Variants in DNM3 observed in about 807,000 individuals in gnomAD.
DNM3 encodes dynamin-3.
Under a neutral mutation model 101.6 loss-of-function variants are expected in DNM3, and 47 were observed. That is an observed-to-expected ratio of 0.46 (90% CI 0.37 to 0.59). The LOEUF is 0.59. DNM3 is among the 20% of genes least tolerant of loss of function. The pLI, the probability that DNM3 is intolerant of heterozygous loss-of-function variation, is 0.00. For synonymous variants in DNM3, 385 were observed against 387.9 expected, an observed-to-expected ratio of 0.99 and a Z score of 0.09; for missense variants, 849 against 1,085.7, an observed-to-expected ratio of 0.78 and a Z score of 3.06.
chr1:171,940,439 C>T (rs2041736612), intron 2 of DNM3, among the ~76,000 whole-genome samples: 1 of 152,122 alleles, frequency 6.6e-6, no homozygotes, highest in South Asian at 2.1e-4. Flanking sequence ...TCCTGTTACT[C>T]TCATCTTGGC....
intron 17 of DNM3, among the ~76,000 whole-genome samples, chr1:172,330,865 ATTAACT>A (rs2148932764): frequency 6.6e-6 from 1 of 152,324 alleles, no homozygotes; most frequent in East Asian, 1.9e-4. Context: ...ACATGTGGAA[ATTAACT>A]TTAAAGTGGA....
At position 172,390,862 on chromosome 1, in the gene DNM3, G is replaced by C. The variant is rs187010213; in HGVS notation, c.2522+2053G>C. On this transcript the variant is annotated intron_variant, in intron 20 of 20. Coordinates refer to ENST00000627582, the MANE Select transcript of DNM3 (RefSeq NM_015569.5). ...TGTCTAGCTGTGAGAAAAAACCAGA[G>C]CAAACTGGTGGTGCCTGTCCTGGGG... Among the ~76,000 whole-genome samples the C allele has an allele frequency of 3.0e-4, 46 of 152,320 alleles. No homozygotes were observed. In the East Asian group the frequency reaches 8.9e-3, roughly 29 times the overall value.
At chr1:172,066,383 G>C (rs1030847070) in intron 10 of DNM3, among the ~76,000 whole-genome samples, 2 of 152,192 alleles carry the variant, frequency 1.3e-5, no homozygotes, top group African/African-American at 4.8e-5. Context: ...TCTGCCTCTG[G>C]TAAGGGCCTT....
At chr1:171,951,133 G>T (rs1191706815) in intron 2 of DNM3, among the ~76,000 whole-genome samples, 2 of 152,068 alleles carry the variant, frequency 1.3e-5, no homozygotes, top group Non-Finnish European at 2.9e-5. Flanking sequence ...AACTCTATTT[G>T]CCTCATATTT....
At chr1:172,067,114 A>T (rs1008078582) in intron 10 of DNM3, among the ~76,000 whole-genome samples, 1 of 152,122 alleles carries the variant, frequency 6.6e-6, no homozygotes, top group Admixed American at 6.6e-5. Context: ...TAAGTCTTAT[A>T]AAAAAATAGC....
intron 1 of DNM3, among the ~76,000 whole-genome samples, chr1:171,900,951 A>AC (rs200954749): frequency 0.12 from 17,440 of 150,818 alleles, 1,189 homozygotes; most frequent in South Asian, 0.24. Flanking sequence ...TACTAAAAAA[A>AC]AAATAGAAAA....
rs189171324 is a variant in DNM3 at position 172,077,809 on chromosome 1, A to G, written c.1423-4023A>G. ...GGGGTGGAGAGTTCTGTAGATGTCT[A>G]TTAGGTCTGCTTGGTGCAGAGCTGA... On this transcript the variant is annotated intron_variant, in intron 11 of 20. Transcript: ENST00000627582. Among the ~76,000 whole-genome samples, 23 of 152,268 alleles carry G rather than the reference A, an allele frequency of 1.5e-4. 1 individual carries two copies. The highest frequency in any genetic ancestry group is 6.8e-3 in the Middle Eastern group (2 of 294).
At chr1:172,189,651 C>A (rs888699466) in intron 14 of DNM3, among the ~76,000 whole-genome samples, 3 of 151,838 alleles carry the variant, frequency 2.0e-5, no homozygotes, top group Admixed American at 1.3e-4. Flanking sequence ...ATTTTTGTGT[C>A]ACTATAAAGA....
At chr1:172,161,254 A>G (rs2058535736) in intron 14 of DNM3, among the ~76,000 whole-genome samples, 1 of 151,094 alleles carries the variant, frequency 6.6e-6, no homozygotes, top group Non-Finnish European at 1.5e-5. Context: ...CTTGCCATTC[A>G]GTGAAACAGT....
intron 14 of DNM3, among the ~76,000 whole-genome samples, chr1:172,183,604 A>T (rs575247076): frequency 1.1e-4 from 16 of 151,470 alleles, no homozygotes; most frequent in Non-Finnish European, 2.2e-4. Context: ...ACTTTTTTAA[A>T]TTTTTTTATT....
intron 13 of DNM3, among the ~76,000 whole-genome samples, chr1:172,107,716 C>T (rs2055163985): frequency 6.6e-6 from 1 of 152,242 alleles, no homozygotes; most frequent in Non-Finnish European, 1.5e-5. Flanking sequence ...TATATATTTC[C>T]AATAGTGCTC....
At chr1:172,178,464 GA>G (rs1428381474) in intron 14 of DNM3, among the ~76,000 whole-genome samples, 1 of 151,880 alleles carries the variant, frequency 6.6e-6, no homozygotes, top group Non-Finnish European at 1.5e-5. Flanking sequence ...TTACATATAT[GA>G]AGTGAAGATG....
intron 15 of DNM3, among the ~76,000 whole-genome samples, chr1:172,269,730 G>T (rs547672975): frequency 9.2e-5 from 14 of 152,296 alleles, no homozygotes; most frequent in African/African-American, 3.1e-4. Context: ...AAAGTGAGTT[G>T]TGTGCTGCAG....
At chr1:172,326,912 A>C (rs77646347) in intron 17 of DNM3, among the ~76,000 whole-genome samples, 136 of 152,250 alleles carry the variant, frequency 8.9e-4, no homozygotes, top group African/African-American at 3.1e-3. Context: ...GCTTTTAAAA[A>C]AGAAATTTAT....
At chr1:172,370,947 T>C (rs1175296458) in intron 17 of DNM3, among the ~76,000 whole-genome samples, 2 of 152,006 alleles carry the variant, frequency 1.3e-5, no homozygotes, top group African/African-American at 2.4e-5. Flanking sequence ...AATCTATATA[T>C]CTTTCTTTAC....
chr1:172,169,452 T>TA (rs1281934872), intron 14 of DNM3, among the ~76,000 whole-genome samples: 1 of 151,966 alleles, frequency 6.6e-6, no homozygotes, highest in Non-Finnish European at 1.5e-5. Flanking sequence ...CATTTAGTCT[T>TA]AGGGAAAACA....
At chr1:171,943,292 C>T (rs185294467) in intron 2 of DNM3, among the ~76,000 whole-genome samples, 2 of 152,058 alleles carry the variant, frequency 1.3e-5, no homozygotes, top group Non-Finnish European at 2.9e-5. Context: ...TTTGAATAGA[C>T]CCCTCTTCTT....
At chr1:172,355,486 T>C (rs1291680205) in intron 17 of DNM3, among the ~76,000 whole-genome samples, 1 of 152,088 alleles carries the variant, frequency 6.6e-6, no homozygotes, top group Admixed American at 6.6e-5. Flanking sequence ...CTACATAAAA[T>C]AGGTTCTACA....
chr1:172,177,969 G>A (rs115535172), intron 14 of DNM3, among the ~76,000 whole-genome samples: 189 of 151,870 alleles, frequency 1.2e-3, no homozygotes, highest in African/African-American at 4.3e-3. Context: ...GTTATCAGGC[G>A]CTTTCTTTGT....
Sources: gnomAD v4.1 joint callset for allele counts (sites outside exome capture counted in the v4.1 genomes callset) on GRCh38, gnomAD v4.1.1 for gene constraint, MANE v1.5 for transcripts, NCBI Gene and HGNC (gene_info 2026-07-23, HGNC 2026-07-21) for gene names.